The following KAT6A variants were observed in gnomAD, a reference collection of about 807,000 sequenced individuals.
KAT6A encodes lysine acetyltransferase 6A.
In KAT6A, 9 loss-of-function variants were observed where a neutral mutation model predicts 198.4. The observed-to-expected ratio is 0.05, with a 90% CI of 0.03 to 0.08. The LOEUF (loss-of-function observed/expected upper bound fraction) is 0.08. KAT6A is among the 10% of genes least tolerant of loss of function. The pLI, the probability that KAT6A is intolerant of heterozygous loss-of-function variation, is 1.00. For missense variants in KAT6A, 2,077 were observed against 2,509.9 expected, an observed-to-expected ratio of 0.83 and a Z score of 3.69; for synonymous variants, 890 against 883.0, an observed-to-expected ratio of 1.01 and a Z score of -0.14.
chr8:41,967,274 A>AAATTATTTATTT (rs544924028), intron 8 of KAT6A, among the ~76,000 whole-genome samples: 63 of 142,846 alleles, frequency 4.4e-4, no homozygotes, highest in South Asian at 4.4e-4. Context: ...TAAAAAAAAA[A>AAATTATTTATTT]ATTTATTTAT....
intron 2 of KAT6A, among the ~76,000 whole-genome samples, chr8:42,021,412 T>A (rs1483011227): frequency 6.6e-6 from 1 of 152,198 alleles, no homozygotes; most frequent in Non-Finnish European, 1.5e-5. Context: ...AATGACATGA[T>A]CAGGCTAAAC....
intron 2 of KAT6A, among the ~76,000 whole-genome samples, chr8:42,003,287 C>G (rs761500786): frequency 6.6e-6 from 1 of 152,294 alleles, no homozygotes; most frequent in South Asian, 2.1e-4. Context: ...GAAAGCCCAA[C>G]AGCAGCAGGG....
At chr8:42,009,894 C>CAAAAAAAAAAAAA (rs538642816) in intron 2 of KAT6A, among the ~76,000 whole-genome samples, 10 of 49,044 alleles carry the variant, frequency 2.0e-4, no homozygotes, top group African/African-American at 2.5e-4. Flanking sequence ...AGCCCTGTCT[C>CAAAAAAAAAAAAA]AAAAAAAAAA....
chr8:41,939,554 A>T (rs1195889350), intron 15 of KAT6A, among the ~76,000 whole-genome samples: 2 of 152,182 alleles, frequency 1.3e-5, no homozygotes, highest in African/African-American at 4.8e-5. Flanking sequence ...ATACTGATAG[A>T]TATATGCCAA....
At chr8:41,949,702 ATT>A (rs1439802892) in intron 9 of KAT6A, among the ~76,000 whole-genome samples, 4 of 152,168 alleles carry the variant, frequency 2.6e-5, no homozygotes, top group African/African-American at 9.7e-5. Context: ...GACCATAACC[ATT>A]TTTTCAAGTT....
chr8:41,950,149 G>A (rs1822593857), intron 9 of KAT6A, among the ~76,000 whole-genome samples: 1 of 152,150 alleles, frequency 6.6e-6, no homozygotes, highest in Non-Finnish European at 1.5e-5. Context: ...AGAAGCAGGA[G>A]CTAAGAGCAT....
rs766415935 is a variant in KAT6A at position 41,943,871 on chromosome 8, C to T, written c.2105G>A (p.Cys702Tyr). The T allele has an allele frequency of 1.2e-6, 2 of 1,613,726 alleles. No homozygotes were observed. The highest frequency in any genetic ancestry group is 2.2e-5 in the South Asian group (2 of 91,066). The change falls in exon 13 of 17, where the codon TGC becomes TAC. Residue 702 changes from cysteine (C) to tyrosine (Y), a missense_variant. Transcript: ENST00000265713. Reference sequence around the variant, plus strand: ...CTGCTTGTCATTTTGGTGATAAAGGCACTCCAATATTACACTTTTCCAATA... The same window carrying T: ...CTGCTTGTCATTTTGGTGATAAAGGTACTCCAATATTACACTTTTCCAATA... ...MAYWKSVILE[C>Y]LYHQNDKQIS...
intron 2 of KAT6A, among the ~76,000 whole-genome samples, chr8:41,995,454 A>C (rs1257182369): frequency 6.6e-6 from 1 of 152,146 alleles, no homozygotes; most frequent in Non-Finnish European, 1.5e-5. Context: ...GGCAGTATTG[A>C]GGCAAACACA....
intron 2 of KAT6A, among the ~76,000 whole-genome samples, chr8:42,030,387 T>C (rs1030781084): frequency 2.0e-5 from 3 of 152,146 alleles, no homozygotes; most frequent in African/African-American, 7.2e-5. Context: ...CCTCAGAGGT[T>C]CCTCATCCTT....
chr8:41,989,083 T>C (rs1824775479), intron 2 of KAT6A, among the ~76,000 whole-genome samples: 1 of 152,098 alleles, frequency 6.6e-6, no homozygotes, highest in Non-Finnish European at 1.5e-5. Context: ...AAAGTACCCT[T>C]TGACTTAAGT....
At chr8:41,971,988 C>A (rs1162441815) in intron 8 of KAT6A, among the ~76,000 whole-genome samples, 1 of 152,136 alleles carries the variant, frequency 6.6e-6, no homozygotes. Flanking sequence ...AAGCCAGAAT[C>A]TATGGCTACA....
chr8:42,020,134 T>A (rs1310106882), intron 2 of KAT6A, among the ~76,000 whole-genome samples: 1 of 152,202 alleles, frequency 6.6e-6, no homozygotes, highest in Non-Finnish European at 1.5e-5. Context: ...AATCTAGAAC[T>A]ATAGCCTGCA....
intron 9 of KAT6A, among the ~76,000 whole-genome samples, chr8:41,951,228 A>C (rs1004019745): frequency 6.6e-6 from 1 of 152,104 alleles, no homozygotes; most frequent in African/African-American, 2.4e-5. Flanking sequence ...GTAAACTGAA[A>C]ACAAGCATTA....
chr8:42,035,834 T>C (rs545912887), intron 2 of KAT6A, among the ~76,000 whole-genome samples: 1 of 152,002 alleles, frequency 6.6e-6, no homozygotes, highest in Non-Finnish European at 1.5e-5. Flanking sequence ...GAAAGAAGGA[T>C]CTGCAGTGGT....
In KAT6A at chr8:42,005,376, C is replaced by T. The variant is rs997536224; in HGVS notation, c.601-17813G>A. ...TATAAATAAAGCCTTAAGTGTTTAA[C>T]GAGTTTGAAGCCTGAGGACAGTAGC... is the stretch of plus-strand genomic sequence containing the variant. On this transcript the variant is annotated intron_variant, in intron 2 of 16. Transcript: ENST00000265713. Among the ~76,000 whole-genome samples the T allele has an allele frequency of 1.2e-4, 18 of 152,236 alleles. No individual in the cohort carries two copies. In the East Asian group the frequency reaches 1.9e-3, roughly 16 times the overall value.
At chr8:41,966,296 T>G (rs1380459205) in intron 8 of KAT6A, among the ~76,000 whole-genome samples, 1 of 152,094 alleles carries the variant, frequency 6.6e-6, no homozygotes, top group African/African-American at 2.4e-5. Flanking sequence ...GAGGTTCTAG[T>G]TACCTGTCGT....
chr8:42,041,280 T>C (rs1409494587), intron 2 of KAT6A, among the ~76,000 whole-genome samples: 1 of 152,142 alleles, frequency 6.6e-6, no homozygotes. Context: ...TTTTTAAATT[T>C]CTGAATTTTT....
chr8:41,946,023 C>CT (rs1822365895), intron 12 of KAT6A, among the ~76,000 whole-genome samples: 2 of 145,834 alleles, frequency 1.4e-5, no homozygotes, highest in South Asian at 4.5e-4. Context: ...GAGCGAGACT[C>CT]TGTCTCTCAA....
chr8:42,041,898 T>C (rs1267495318), intron 2 of KAT6A, among the ~76,000 whole-genome samples: 1 of 152,232 alleles, frequency 6.6e-6, no homozygotes, highest in African/African-American at 2.4e-5. Flanking sequence ...TTTTTTGTTT[T>C]TTTTGTTTTT....
Sources: gnomAD v4.1 joint callset for allele counts (sites outside exome capture counted in the v4.1 genomes callset) on GRCh38, gnomAD v4.1.1 for gene constraint, MANE v1.5 for transcripts, NCBI Gene and HGNC (gene_info 2026-07-23, HGNC 2026-07-21) for gene names.